The following XIRP2 variants were observed in gnomAD, a reference collection of about 807,000 sequenced individuals.
The protein encoded by XIRP2 is xin actin-binding repeat-containing protein 2.
XIRP2 carries 236 observed loss-of-function variants against 277.0 expected under a neutral mutation model. That is an observed-to-expected ratio of 0.85 (90% CI 0.77 to 0.95). XIRP2 has a LOEUF of 0.95. Among genes scored for constraint, XIRP2 ranks in the 40% least tolerant of loss-of-function variants. The probability of loss-of-function intolerance (pLI) is 0.00; values close to 1 mark genes in which losing one functional copy is unlikely to be tolerated. For missense variants in XIRP2, 4,640 were observed against 4,157.5 expected (o/e 1.12, Z -3.19); for synonymous variants, 1,490 against 1,416.5 (o/e 1.05, Z -1.17).
chr2:166,960,756 A>G (rs1686279082), intron 2 of XIRP2, among the ~76,000 whole-genome samples: 1 of 151,762 alleles, frequency 6.6e-6, no homozygotes, highest in Non-Finnish European at 1.5e-5. Flanking sequence ...TTTGCAAAAT[A>G]CTTGATAATG....
chr2:167,000,551 G>A (rs2105454684), intron 2 of XIRP2, among the ~76,000 whole-genome samples: 1 of 150,536 alleles, frequency 6.6e-6, no homozygotes, highest in African/African-American at 2.4e-5. Context: ...GGCTTTAGAA[G>A]TGGTATGGAT....
chr2:166,928,624 T>C (rs564829251), intron 2 of XIRP2, among the ~76,000 whole-genome samples: 3 of 152,244 alleles, frequency 2.0e-5, no homozygotes, highest in South Asian at 4.1e-4. Flanking sequence ...TATAGCATAG[T>C]TTTAATTTCT....
At chr2:167,055,250 C>T (rs2043060) in intron 2 of XIRP2, among the ~76,000 whole-genome samples, 39,291 of 151,926 alleles carry the variant, frequency 0.26, 5,539 homozygotes, top group Middle Eastern at 0.38. Flanking sequence ...CAAATGAGAA[C>T]TGAGGGGAAA....
intron 2 of XIRP2, among the ~76,000 whole-genome samples, chr2:167,002,261 A>T (rs1687393972): frequency 6.6e-6 from 1 of 152,078 alleles, no homozygotes; most frequent in Non-Finnish European, 1.5e-5. Flanking sequence ...GGGCAGAGCC[A>T]GTTATGCCCT....
intron 2 of XIRP2, among the ~76,000 whole-genome samples, chr2:167,018,298 T>C (rs1687886092): frequency 6.6e-6 from 1 of 151,942 alleles, no homozygotes; most frequent in Non-Finnish European, 1.5e-5. Flanking sequence ...GGGTAGGAAG[T>C]GAGATAGTCC....
At chr2:166,922,478 T>C (rs1685075412) in intron 2 of XIRP2, among the ~76,000 whole-genome samples, 1 of 152,126 alleles carries the variant, frequency 6.6e-6, no homozygotes, top group Non-Finnish European at 1.5e-5. Flanking sequence ...ATTGAGGTCC[T>C]TTATGTACGA....
chr2:166,984,186 A>G (rs1431030672), intron 2 of XIRP2, among the ~76,000 whole-genome samples: 1 of 152,178 alleles, frequency 6.6e-6, no homozygotes, highest in African/African-American at 2.4e-5. Context: ...CAATTTATCA[A>G]TTGGTTTCTT....
intron 1 of XIRP2, among the ~76,000 whole-genome samples, chr2:166,890,933 T>C (rs969477539): frequency 3.3e-5 from 5 of 152,168 alleles, no homozygotes; most frequent in Admixed American, 3.3e-4. Flanking sequence ...GTAAGCTGAG[T>C]ACCTAGCACA....
rs59889092 is a variant in XIRP2, at chr2:167,248,478, G to T, written c.7086G>T (p.Met2362Ile). 0.11 allele frequency: 178,587 copies of T among 1,613,412 alleles called. 11,426 individuals carry two copies. Among genetic ancestry groups the T allele is most frequent in the African/African-American group, 0.27 (20,558 of 74,812 alleles). The change falls in exon 9 of 11, where the codon ATG becomes ATT. Residue 2362 changes from methionine (M) to isoleucine (I), a missense_variant. Transcript: ENST00000409195. ...AATCTGAAAGAGAAAGTTCATCGAT[G>T]TTTCTGCCGCCTCCTCCTCCTCCAA... ...DEKSERESSS[M>I]FLPPPPPPTP... is the part of the protein sequence containing the mutation.
rs763374687 is a variant in XIRP2, at chr2:167,250,707, T to C, written c.9315T>C (p.Asp3105=). Residue 3105 remains aspartate (D), a synonymous_variant, in exon 9 of 11, where the codon GAT becomes GAC. Transcript: ENST00000409195. ...HVKTHQEIKL[D]DSNIPPPSLK... is the part of the protein sequence containing the mutation. ...AAACCCATCAGGAAATTAAACTTGATGATAGCAACATTCCTCCTCCCTCTT... is the reference window on the plus strand; with the variant it reads ...AAACCCATCAGGAAATTAAACTTGACGATAGCAACATTCCTCCTCCCTCTT... 1.4e-5 allele frequency: 22 copies of C among 1,613,654 alleles called. No homozygotes were observed. Among genetic ancestry groups the C allele is most frequent in the South Asian group, 1.1e-4 (10 of 91,074 alleles).
intron 2 of XIRP2, among the ~76,000 whole-genome samples, chr2:167,078,402 A>T (rs956068471): frequency 6.6e-6 from 1 of 152,206 alleles, no homozygotes; most frequent in Admixed American, 6.5e-5. Context: ...ATTTAGAATC[A>T]TATTGTCAAT....
At chr2:167,156,494 TAA>T (rs1248997084) in intron 3 of XIRP2, among the ~76,000 whole-genome samples, 1 of 123,264 alleles carries the variant, frequency 8.1e-6, no homozygotes, top group Non-Finnish European at 1.6e-5. Flanking sequence ...GATGTATCTA[TAA>T]TTAAAGTGAA....
rs377112632 is a variant in XIRP2, at chr2:167,242,701, A to G, written c.1309A>G (p.Thr437Ala). 21 of 1,613,924 alleles carry G rather than the reference A, an allele frequency of 1.3e-5. No individual in the cohort carries two copies. In the African/African-American group the frequency reaches 2.3e-4, roughly 17 times the overall value. The change falls in exon 9 of 11, where the codon ACT (threonine) becomes GCT (alanine). Residue 437 changes from threonine to alanine, a missense_variant. Transcript: ENST00000409195. ...RYSDHSVTSSTLAQINATSSG... is the reference protein window; with the variant it reads ...RYSDHSVTSSALAQINATSSG... The stretch of plus-strand genomic sequence containing the variant: ...TAGTGATCACAGTGTCACTTCCTCA[A>G]CTCTGGCACAAATTAATGCTACTTC...
chr2:167,060,195 G>A (rs202147408), intron 2 of XIRP2, among the ~76,000 whole-genome samples: 5,474 of 152,020 alleles, frequency 0.036, 188 homozygotes, highest in African/African-American at 0.088. Context: ...AAATGATAAC[G>A]GGGGAAAAAA....
rs1385096411 is a variant in XIRP2, at chr2:167,250,318, T to A, written c.8926T>A (p.Phe2976Ile). The A allele has an allele frequency of 6.2e-7, 1 of 1,613,282 alleles. No individual in the cohort carries two copies. Among genetic ancestry groups the A allele is most frequent in the African/African-American group, 1.3e-5 (1 of 74,820 alleles). Residue 2976 changes from phenylalanine to isoleucine, a missense_variant, in exon 9 of 11, where the codon TTT becomes ATT. Coordinates refer to ENST00000409195, the MANE Select transcript of XIRP2 (RefSeq NM_152381.6). ...GCCAAATAAAAGTGGCCTTAAAACA[T>A]TTCAGACACTATTAAATACTATCCC... ...AEPNKSGLKT[F>I]QTLLNTIPGW...
At chr2:167,019,805 C>T (rs1415886111) in intron 2 of XIRP2, among the ~76,000 whole-genome samples, 1 of 151,964 alleles carries the variant, frequency 6.6e-6, no homozygotes, top group Non-Finnish European at 1.5e-5. Flanking sequence ...GTTATAAATT[C>T]CTCAAGTTGT....
At chr2:167,109,927 A>G (rs1300351446) in intron 2 of XIRP2, among the ~76,000 whole-genome samples, 2 of 152,012 alleles carry the variant, frequency 1.3e-5, no homozygotes, top group Non-Finnish European at 2.9e-5. Context: ...ATGATTAGTG[A>G]TGTTGAGCTT....
intron 3 of XIRP2, among the ~76,000 whole-genome samples, chr2:167,201,907 T>C (rs1051749375): frequency 2.6e-5 from 4 of 152,116 alleles, no homozygotes; most frequent in Admixed American, 2.6e-4. Context: ...CAGAAATACT[T>C]GAAATCAACT....
chr2:166,986,739 G>C (rs1035218230), intron 2 of XIRP2, among the ~76,000 whole-genome samples: 1 of 152,162 alleles, frequency 6.6e-6, no homozygotes, highest in African/African-American at 2.4e-5. Flanking sequence ...TCTTTGTATT[G>C]AATTAATTTA....
Sources: gnomAD v4.1 joint callset for allele counts (sites outside exome capture counted in the v4.1 genomes callset) on GRCh38, gnomAD v4.1.1 for gene constraint, MANE v1.5 for transcripts, NCBI Gene and HGNC (gene_info 2026-07-23, HGNC 2026-07-21) for gene names.